Variants in ASRGL1 observed in about 807,000 individuals in gnomAD.
ASRGL1 encodes the protein isoaspartyl peptidase/L-asparaginase.
A neutral mutation model predicts 22.4 loss-of-function variants in ASRGL1; 16 were observed. The observed-to-expected ratio is 0.71, with a 90% confidence interval of 0.48 to 1.08. ASRGL1 has a LOEUF of 1.08. Ranked by LOEUF, ASRGL1 falls within the 50% of genes least tolerant of loss-of-function variation. The pLI, the probability that ASRGL1 is intolerant of heterozygous loss-of-function variation, is 0.00. For synonymous variants in ASRGL1, 165 were observed against 159.3 expected (o/e 1.04, Z -0.27); for missense variants, 412 against 410.1 (o/e 1.00, Z -0.04).
chr11:62,372,033 G>C, intron 4 of ASRGL1: 1 of 745,878 alleles, frequency 1.3e-6, no homozygotes, highest in South Asian at 1.4e-5. Context: ...GGACCCCATA[G>C]GTATGGGTGC....
intron 4 of ASRGL1, chr11:62,372,435 C>G: frequency 1.3e-6 from 2 of 1,550,894 alleles, no homozygotes; most frequent in Non-Finnish European, 1.8e-6. Flanking sequence ...AAGGAAACCT[C>G]TATTCCTTTG....
chr11:62,391,415 G>A (rs1401447865), intron 5 of ASRGL1, 107 bp from the exon 6 acceptor site: 26 of 1,445,976 alleles, frequency 1.8e-5, no homozygotes, highest in Non-Finnish European at 2.4e-5. Flanking sequence ...ACCTTTGTCG[G>A]TACTTGAGCA....
intron 2 of ASRGL1, among the ~76,000 whole-genome samples, chr11:62,343,527 A>G (rs368993113): frequency 1.5e-3 from 225 of 151,986 alleles, no homozygotes; most frequent in African/African-American, 5.2e-3. Flanking sequence ...CAGGGGTTTG[A>G]GACCAGCCTG....
At chr11:62,380,359 G>A (rs746096211) in intron 4 of ASRGL1, among the ~76,000 whole-genome samples, 5 of 152,110 alleles carry the variant, frequency 3.3e-5, no homozygotes, top group Non-Finnish European at 5.9e-5. Context: ...TCAGGGTAGG[G>A]CTTTTTAGAG....
chr11:62,342,946 A>G (rs181681485), intron 2 of ASRGL1, among the ~76,000 whole-genome samples: 3 of 152,312 alleles, frequency 2.0e-5, no homozygotes, highest in East Asian at 1.9e-4. Flanking sequence ...GCTAAAGGAC[A>G]TGTTCCATTT....
At chr11:62,356,936 G>T (rs778023105) in intron 3 of ASRGL1, 51 bp from the exon 4 acceptor site, 6 of 1,549,368 alleles carry the variant, frequency 3.9e-6, no homozygotes, top group Non-Finnish European at 5.2e-6. Flanking sequence ...CAGTTAAAAA[G>T]ATTTAAAATT....
At chr11:62,397,019 G>C (rs550081267), downstream of ASRGL1, among the ~76,000 whole-genome samples, 6 of 152,138 alleles carry the variant, frequency 3.9e-5, no homozygotes, top group South Asian at 2.1e-4. Context: ...GCAGCAGTTT[G>C]TTATTAAACT....
At chr11:62,383,895 C>T (rs1947136229) in intron 4 of ASRGL1, among the ~76,000 whole-genome samples, 1 of 136,534 alleles carries the variant, frequency 7.3e-6, no homozygotes, top group South Asian at 2.4e-4. Flanking sequence ...GCCTGGGCGA[C>T]AGGGCAAGAG....
In ASRGL1 at chr11:62,338,117, C is replaced by T. The variant is rs1193565920; in HGVS notation, c.140C>T (p.Ala47Val). The T allele has an allele frequency of 6.2e-7, 1 of 1,603,708 alleles. No homozygotes were observed. The highest frequency in any genetic ancestry group is 8.5e-7 in the Non-Finnish European group (1 of 1,175,540). Residue 47 changes from alanine to valine, a missense_variant, in exon 2 of 7, where the codon GCC becomes GTC. Ala to Val is a moderately conservative substitution (Grantham distance 64). Transcript: ENST00000415229. ...ILREGGSAVDAVEGAVVALED... is the reference protein window; with the variant it reads ...ILREGGSAVDVVEGAVVALED... ...CGGGAGGGCGGGAGCGCCGTGGATG[C>T]CGTAGAGGGAGCTGTCGTCGCCCTG...
chr11:62,369,294 C>T (rs965825006), intron 4 of ASRGL1, among the ~76,000 whole-genome samples: 1 of 152,160 alleles, frequency 6.6e-6, no homozygotes, highest in Non-Finnish European at 1.5e-5. Flanking sequence ...TGAGTCAACA[C>T]AGCACATGTC....
chr11:62,400,689 C>A, the ASRGL1 span, among the ~76,000 whole-genome samples: 2 of 152,110 alleles, frequency 1.3e-5, no homozygotes, highest in African/African-American at 4.8e-5. Context: ...CAATCGGGGC[C>A]CCTGACACTC....
At chr11:62,388,625 G>T (rs1269472786) in intron 4 of ASRGL1, among the ~76,000 whole-genome samples, 1 of 147,318 alleles carries the variant, frequency 6.8e-6, no homozygotes, top group Non-Finnish European at 1.5e-5. Flanking sequence ...AGCCAAGATT[G>T]TGCCACTGCA....
chr11:62,358,328 C>T (rs966101090), intron 4 of ASRGL1, among the ~76,000 whole-genome samples: 10 of 145,712 alleles, frequency 6.9e-5, no homozygotes, highest in Non-Finnish European at 1.2e-4. Context: ...CAAGATCCCA[C>T]CATTGCACTC....
chr11:62,381,297 C>T (rs1947060900), intron 4 of ASRGL1, among the ~76,000 whole-genome samples: 1 of 152,150 alleles, frequency 6.6e-6, no homozygotes, highest in Non-Finnish European at 1.5e-5. Context: ...CCTTTTTCTT[C>T]TAATTCTAAT....
chr11:62,347,022 C>G (rs1411246891), intron 2 of ASRGL1, among the ~76,000 whole-genome samples: 1 of 151,958 alleles, frequency 6.6e-6, no homozygotes, highest in Non-Finnish European at 1.5e-5. Context: ...TTATGCATAC[C>G]TCTGTCATCT....
intron 4 of ASRGL1, among the ~76,000 whole-genome samples, chr11:62,380,584 T>C (rs1247957137): frequency 1.3e-5 from 2 of 152,174 alleles, no homozygotes; most frequent in African/African-American, 4.8e-5. Context: ...GACCTGTTCT[T>C]GTGCCCCATC....
intron 4 of ASRGL1, among the ~76,000 whole-genome samples, chr11:62,375,240 G>A (rs951710726): frequency 6.6e-6 from 1 of 151,738 alleles, no homozygotes; most frequent in Non-Finnish European, 1.5e-5. Context: ...GGGGAAGGGT[G>A]CCGTGCACTC....
Position 62,375,482 on chromosome 11 carries a change from T to TATA in ASRGL1, c.492-13651_492-13650insATA, listed in dbSNP as rs1565169632. On this transcript the variant is annotated intron_variant, in intron 4 of 6. Coordinates refer to ENST00000415229, the MANE Select transcript of ASRGL1 (RefSeq NM_001083926.2). ...TATATATATATATATATATATATAT[T>TATA]TCTTGGAGTAAACATTTTAAATAAA... Among the ~76,000 whole-genome samples the TATA allele has an allele frequency of 4.0e-3, 283 of 70,864 alleles. 21 individuals carry two copies. Among genetic ancestry groups the TATA allele is most frequent in the South Asian group, 9.2e-3 (17 of 1,856 alleles). The allele number at this position is 70,864 out of a possible 152,430, so 46.5% of individuals were successfully genotyped here. A position where few individuals can be genotyped will look rare whatever the true frequency, so the allele number is the denominator to read the frequency against.
chr11:62,343,152 C>A (rs1239996437), intron 2 of ASRGL1, among the ~76,000 whole-genome samples: 1 of 151,180 alleles, frequency 6.6e-6, no homozygotes, highest in Admixed American at 6.6e-5. Flanking sequence ...CCGAGGCAGG[C>A]GGATTACCTG....
Sources: gnomAD v4.1 joint callset for allele counts (sites outside exome capture counted in the v4.1 genomes callset) on GRCh38, gnomAD v4.1.1 for gene constraint, MANE v1.5 for transcripts, NCBI Gene and HGNC (gene_info 2026-07-23, HGNC 2026-07-21) for gene names.